The following SLC39A11 variants were observed in gnomAD, a reference collection of about 807,000 sequenced individuals.
The protein encoded by SLC39A11 is solute carrier family 39 member 11, also known as zinc transporter ZIP11.
A neutral mutation model predicts 36.1 loss-of-function variants in SLC39A11; 33 were observed. That is an observed-to-expected ratio of 0.91 (90% CI 0.69 to 1.22). SLC39A11 has a LOEUF of 1.22. Among genes scored for constraint, SLC39A11 ranks in the 50% most tolerant of loss-of-function variants. The probability of loss-of-function intolerance (pLI) is 0.00; values close to 1 mark genes in which losing one functional copy is unlikely to be tolerated. For synonymous variants in SLC39A11, 166 were observed against 170.3 expected (o/e 0.97, Z 0.20); for missense variants, 432 against 430.3 (o/e 1.00, Z -0.03).
chr17:72,753,911 A>C (rs2075253714), intron 6 of SLC39A11, among the ~76,000 whole-genome samples: 7 of 147,880 alleles, frequency 4.7e-5, no homozygotes, highest in Admixed American at 4.1e-4. Context: ...AAAAAAAAAA[A>C]ACCTGCACAC....
chr17:73,082,654 G>A (rs1268943241), intron 3 of SLC39A11, among the ~76,000 whole-genome samples: 4 of 151,966 alleles, frequency 2.6e-5, no homozygotes, highest in African/African-American at 4.8e-5. Context: ...TACTTTCAAG[G>A]ACCTCTCTGT....
Position 73,026,531 on chromosome 17 carries a change from A to AAAAAG in SLC39A11, c.306+5024_306+5025insCTTTT, listed in dbSNP as rs1200274458. Among the ~76,000 whole-genome samples, 1,132 of 150,314 alleles carry AAAAAG rather than the reference A, an allele frequency of 7.5e-3. 17 individuals carry two copies. The highest frequency in any genetic ancestry group is 0.026 in the African/African-American group (1,051 of 40,344). On this transcript the variant is annotated intron_variant, in intron 4 of 9. Coordinates refer to ENST00000255559, the MANE Select transcript of SLC39A11 (RefSeq NM_139177.4). ...CGAAACTACATCAAAAAAAAAAAAA[A>AAAAAG]AAAGAAAGAAAGAAAGAAAAGAGAA...
chr17:73,063,326 T>C (rs942106938), intron 3 of SLC39A11, among the ~76,000 whole-genome samples: 1 of 152,172 alleles, frequency 6.6e-6, no homozygotes, highest in Non-Finnish European at 1.5e-5. Flanking sequence ...TGACCCCTTA[T>C]GAAATAATTA....
intron 4 of SLC39A11, among the ~76,000 whole-genome samples, chr17:73,024,390 G>A (rs1315766877): frequency 6.6e-6 from 1 of 152,114 alleles, no homozygotes; most frequent in Admixed American, 6.5e-5. Flanking sequence ...CACGAAACGA[G>A]TCGGGCTTAC....
At chr17:72,831,823 A>G (rs1039516470) in intron 6 of SLC39A11, among the ~76,000 whole-genome samples, 1 of 152,196 alleles carries the variant, frequency 6.6e-6, no homozygotes, top group African/African-American at 2.4e-5. Context: ...TTTGATTTCC[A>G]TTTACCATCT....
Position 72,687,200 on chromosome 17 carries a change from T to A in SLC39A11, c.672-37932A>T, listed in dbSNP as rs924715975. Among the ~76,000 whole-genome samples, 183 of 152,178 alleles carry A rather than the reference T, an allele frequency of 1.2e-3. 2 individuals are homozygous for A. Among genetic ancestry groups the A allele is most frequent in the African/African-American group, 3.4e-3 (143 of 41,510 alleles). On this transcript the variant is annotated intron_variant, in intron 7 of 9. Coordinates refer to ENST00000255559, the MANE Select transcript of SLC39A11 (RefSeq NM_139177.4). Reference sequence around the variant, plus strand: ...TGCCATCATGCCTGGTTAGTTTTTTTAAAAAATTTTTGTAGACACAGGGTC... The same window carrying A: ...TGCCATCATGCCTGGTTAGTTTTTTAAAAAAATTTTTGTAGACACAGGGTC...
chr17:73,054,009 C>CTAT (rs1287310791), intron 3 of SLC39A11, among the ~76,000 whole-genome samples: 3 of 152,128 alleles, frequency 2.0e-5, no homozygotes. Flanking sequence ...TAATATAAAT[C>CTAT]AGCACACATG....
intron 6 of SLC39A11, among the ~76,000 whole-genome samples, chr17:72,848,331 T>C (rs1295280153): frequency 2.0e-5 from 3 of 152,254 alleles, no homozygotes; most frequent in African/African-American, 7.2e-5. Context: ...TCATTTCCTA[T>C]GCTTAATCAT....
At chr17:73,055,914 G>A (rs2059650321) in intron 3 of SLC39A11, among the ~76,000 whole-genome samples, 2 of 152,232 alleles carry the variant, frequency 1.3e-5, no homozygotes, top group South Asian at 4.1e-4. Flanking sequence ...TGCAGCCCTG[G>A]GCTTCTCAAG....
At chr17:72,816,800 A>G (rs2077597886) in intron 6 of SLC39A11, among the ~76,000 whole-genome samples, 1 of 152,138 alleles carries the variant, frequency 6.6e-6, no homozygotes, top group African/African-American at 2.4e-5. Flanking sequence ...CTGGTATTGG[A>G]GATTGGATTT....
In SLC39A11 at chr17:72,674,124, A is replaced by AC. The variant is rs148923679; in HGVS notation, c.672-24857dup. Among the ~76,000 whole-genome samples, 744 of 151,726 alleles carry AC rather than the reference A, an allele frequency of 4.9e-3. 11 individuals carry two copies. Among genetic ancestry groups the AC allele is most frequent in the African/African-American group, 0.017 (710 of 41,374 alleles). On this transcript the variant is annotated intron_variant, in intron 7 of 9. Transcript: ENST00000255559. Reference sequence around the variant, plus strand: ...TATAGACAACTGTCACTTCCTCCTCACCCTTGTTCCCCACCCCTACTCCCT... The same window carrying AC: ...TATAGACAACTGTCACTTCCTCCTCACCCCTTGTTCCCCACCCCTACTCCCT...
intron 4 of SLC39A11, among the ~76,000 whole-genome samples, chr17:72,985,627 G>A (rs1402837119): frequency 1.3e-5 from 2 of 151,930 alleles, no homozygotes; most frequent in South Asian, 4.2e-4. Context: ...TGGCCAGGCT[G>A]GTCTCGAACT....
chr17:72,671,850 G>T (rs1031677055), intron 7 of SLC39A11, among the ~76,000 whole-genome samples: 2 of 152,190 alleles, frequency 1.3e-5, no homozygotes, highest in African/African-American at 4.8e-5. Context: ...GAGTGGAATG[G>T]TAGTTGCCAA....
chr17:72,906,033 G>A (rs916825252), intron 5 of SLC39A11, among the ~76,000 whole-genome samples: 9 of 152,150 alleles, frequency 5.9e-5, no homozygotes, highest in Non-Finnish European at 8.8e-5. Context: ...GATTACAGGC[G>A]TGAGCCACCA....
Position 72,976,300 on chromosome 17 carries a change from G to A in SLC39A11, c.307-28425C>T, listed in dbSNP as rs373488215. 3.7e-3 allele frequency among the ~76,000 whole-genome samples: 568 copies of A among 151,574 alleles called. 10 individuals are homozygous for A. The South Asian group carries it at 0.045, about 12-fold the overall frequency. On this transcript the variant is annotated intron_variant, in intron 4 of 9. Coordinates refer to ENST00000255559, the MANE Select transcript of SLC39A11 (RefSeq NM_139177.4). The stretch of plus-strand genomic sequence containing the variant: ...TTGAAAGGATCTTGAGGAAACTCTA[G>A]GCAGTCCCCCAAACACACTTTGAGA...
chr17:73,075,394 T>G (rs891731052), intron 3 of SLC39A11, among the ~76,000 whole-genome samples: 9 of 152,222 alleles, frequency 5.9e-5, no homozygotes, highest in Non-Finnish European at 1.3e-4. Flanking sequence ...TTATCTGGGT[T>G]TCATCCTACC....
intron 6 of SLC39A11, among the ~76,000 whole-genome samples, chr17:72,817,438 G>A (rs75039143): frequency 0.015 from 2,207 of 151,936 alleles, 65 homozygotes; most frequent in African/African-American, 0.048. Flanking sequence ...TTGCTCCCAG[G>A]AGAATGGCAC....
At chr17:72,652,418 G>A (rs2069893706) in intron 7 of SLC39A11, among the ~76,000 whole-genome samples, 1 of 152,172 alleles carries the variant, frequency 6.6e-6, no homozygotes, top group South Asian at 2.1e-4. Context: ...TTCTCCAACT[G>A]CAGAATTTGA....
intron 6 of SLC39A11, among the ~76,000 whole-genome samples, chr17:72,815,515 G>T (rs2077554080): frequency 6.6e-6 from 1 of 152,186 alleles, no homozygotes; most frequent in Non-Finnish European, 1.5e-5. Flanking sequence ...TACTTGGGAG[G>T]CTGAGACAGG....
Sources: gnomAD v4.1 joint callset for allele counts (sites outside exome capture counted in the v4.1 genomes callset) on GRCh38, gnomAD v4.1.1 for gene constraint, MANE v1.5 for transcripts, NCBI Gene and HGNC (gene_info 2026-07-23, HGNC 2026-07-21) for gene names.